Variants in GABPB1 observed in about 807,000 individuals in gnomAD.
GABPB1 encodes the protein GA binding protein transcription factor subunit beta 1.
A neutral mutation model predicts 45.9 loss-of-function variants in GABPB1; 15 were observed. That is an observed-to-expected ratio of 0.33 (90% CI 0.22 to 0.50). The LOEUF (loss-of-function observed/expected upper bound fraction) is 0.50. Among genes scored for constraint, GABPB1 ranks in the 20% least tolerant of loss-of-function variants. The pLI is 0.98. For missense variants in GABPB1, 252 were observed against 457.5 expected, an observed-to-expected ratio of 0.55 and a Z score of 4.10; for synonymous variants, 143 against 154.4, an observed-to-expected ratio of 0.93 and a Z score of 0.55.
Position 50,319,890 on chromosome 15 carries a change from G to A in GABPB1, c.1-10092C>T, listed in dbSNP as rs1314331520. ...CACAATAAACAAACACATGTTTACT[G>A]TACATAAGAATTATACAGTTTAAAG... On this transcript the variant is annotated intron_variant, in intron 1 of 8. Coordinates refer to ENST00000380877, the MANE Select transcript of GABPB1 (RefSeq NM_016654.5). Among the ~76,000 whole-genome samples the A allele has an allele frequency of 2.0e-5, 3 of 152,228 alleles. No homozygotes were observed. In the East Asian group the frequency reaches 5.8e-4, roughly 29 times the overall value.
intron 6 of GABPB1, among the ~76,000 whole-genome samples, chr15:50,294,312 G>A (rs1363830500): frequency 2.0e-5 from 3 of 152,142 alleles, no homozygotes; most frequent in Non-Finnish European, 2.9e-5. Flanking sequence ...TCAAGAGATC[G>A]AGACCATCCT....
chr15:50,320,796 G>A (rs1047281319), intron 1 of GABPB1, among the ~76,000 whole-genome samples: 2 of 152,162 alleles, frequency 1.3e-5, no homozygotes, highest in South Asian at 4.1e-4. Context: ...AGGAAGCAGA[G>A]ATCAGAGAGA....
chr15:50,310,374 T>C (rs548712148), intron 1 of GABPB1, among the ~76,000 whole-genome samples: 2 of 152,346 alleles, frequency 1.3e-5, no homozygotes, highest in South Asian at 2.1e-4. Context: ...ATTACAGGCA[T>C]GAGCCACCCC....
At chr15:50,340,155 A>G (rs770141051) in intron 1 of GABPB1, among the ~76,000 whole-genome samples, 7 of 152,228 alleles carry the variant, frequency 4.6e-5, no homozygotes, top group Non-Finnish European at 1.0e-4. Context: ...AGGGCACAGC[A>G]AGGTGGCTCC....
chr15:50,301,105 G>C, intron 5 of GABPB1, 152 bp downstream of exon 5: 1 of 1,168,576 alleles, frequency 8.6e-7, no homozygotes, highest in Non-Finnish European at 1.2e-6. Flanking sequence ...TTATACCAAA[G>C]AAAACAAAGG....
At chr15:50,340,865 TTTA>T (rs1283843322) in intron 1 of GABPB1, among the ~76,000 whole-genome samples, 3 of 101,150 alleles carry the variant, frequency 3.0e-5, no homozygotes, top group Admixed American at 1.1e-4. Context: ...TTACATATGG[TTTA>T]TTACCATATG....
At chr15:50,283,428 C>T (rs16963571) in intron 8 of GABPB1, among the ~76,000 whole-genome samples, 11,565 of 151,740 alleles carry the variant, frequency 0.076, 1,329 homozygotes, top group African/African-American at 0.25. Flanking sequence ...AATACACTTT[C>T]TACAATTTAA....
intron 3 of GABPB1, among the ~76,000 whole-genome samples, chr15:50,303,694 C>G (rs372886822): frequency 2.9e-5 from 4 of 138,456 alleles, no homozygotes; most frequent in African/African-American, 7.9e-5. Flanking sequence ...AAAAAAAAAA[C>G]AAAAAGAAAA....
intron 8 of GABPB1, among the ~76,000 whole-genome samples, chr15:50,284,044 C>A (rs1013431723): frequency 2.0e-5 from 3 of 152,134 alleles, no homozygotes; most frequent in Admixed American, 1.3e-4. Flanking sequence ...TGGAATGCCA[C>A]TAGTCATGAC....
intron 1 of GABPB1, among the ~76,000 whole-genome samples, chr15:50,315,558 A>G (rs1052092929): frequency 6.6e-6 from 1 of 152,258 alleles, no homozygotes; most frequent in Non-Finnish European, 1.5e-5. Flanking sequence ...CAAGACAAAA[A>G]TCAAAGGTCC....
intron 7 of GABPB1, among the ~76,000 whole-genome samples, chr15:50,286,493 CCTG>C (rs1478777191): frequency 6.6e-6 from 1 of 151,980 alleles, no homozygotes; most frequent in African/African-American, 2.4e-5. Context: ...CATGCCCACC[CCTG>C]CTAACAGATG....
rs568811385 is a variant in GABPB1 at position 50,323,381 on chromosome 15, CA to C, written c.1-13584del. On this transcript the variant is annotated intron_variant, in intron 1 of 8. Coordinates refer to ENST00000380877, the MANE Select transcript of GABPB1 (RefSeq NM_016654.5). ...TTAATAGAATGCACTACTCTCACTA[CA>C]GGCCCCAGAAGACAACATACATGCC... 2.8e-3 allele frequency among the ~76,000 whole-genome samples: 429 copies of C among 152,254 alleles called. 4 individuals carry two copies. The highest frequency in any genetic ancestry group is 0.01 in the African/African-American group (421 of 41,544).
At chr15:50,337,128 T>TAA (rs10580526) in intron 1 of GABPB1, among the ~76,000 whole-genome samples, 2 of 6,708 alleles carry the variant, frequency 3.0e-4, no homozygotes, top group Admixed American at 2.0e-3. Context: ...TATATATATA[T>TAA]AATATGAAGA....
chr15:50,332,867 T>A (rs114998729), intron 1 of GABPB1, among the ~76,000 whole-genome samples: 3,070 of 152,282 alleles, frequency 0.02, 106 homozygotes, highest in African/African-American at 0.071. Context: ...CTATGTTTAA[T>A]GCAATCCATA....
intron 3 of GABPB1, 21 bp from the exon 4 acceptor site, chr15:50,303,144 G>C (rs774366500): frequency 9.0e-6 from 14 of 1,553,794 alleles, no homozygotes; most frequent in South Asian, 1.2e-5. Context: ...ATTTCAAAGA[G>C]TTTACTAAAA....
intron 7 of GABPB1, 46 bp from the exon 8 acceptor site, chr15:50,286,229 T>G (rs1279766329): frequency 1.5e-6 from 2 of 1,300,972 alleles, no homozygotes; most frequent in Non-Finnish European, 2.1e-6. Flanking sequence ...TCAGAGAGAT[T>G]TATTAGAAAT....
At chr15:50,323,853 CAG>C (rs1205824856) in intron 1 of GABPB1, among the ~76,000 whole-genome samples, 1 of 152,140 alleles carries the variant, frequency 6.6e-6, no homozygotes, top group Non-Finnish European at 1.5e-5. Context: ...GCCTGGGCAA[CAG>C]AGTCAGATCC....
intron 4 of GABPB1, 47 bp from the exon 5 acceptor site, chr15:50,301,415 T>C (rs1186822248): frequency 1.6e-5 from 25 of 1,521,748 alleles, no homozygotes; most frequent in Non-Finnish European, 2.3e-5. Flanking sequence ...AACCAGAACA[T>C]ATAGCACAAA....
intron 5 of GABPB1, 110 bp downstream of exon 5, chr15:50,301,146 AC>A: frequency 7.0e-7 from 1 of 1,428,606 alleles, no homozygotes; most frequent in East Asian, 2.3e-5. Context: ...TCATTCTCCA[AC>A]CGTCCTTTCT....
Sources: allele counts gnomAD v4.1 joint callset (sites outside exome capture counted in the v4.1 genomes callset), GRCh38; gene constraint gnomAD v4.1.1; transcripts MANE v1.5; gene names NCBI Gene and HGNC (gene_info 2026-07-23, HGNC 2026-07-21).